The following CNTNAP3 variants were observed in gnomAD, a reference collection of about 807,000 sequenced individuals.
CNTNAP3 encodes the protein contactin associated protein family member 3, also known as contactin-associated protein-like 3.
In CNTNAP3, 36 loss-of-function variants were observed where a neutral mutation model predicts 92.1. The observed-to-expected ratio is 0.39, with a 90% CI of 0.30 to 0.52. The LOEUF (loss-of-function observed/expected upper bound fraction) is 0.52, where lower values mean the gene tolerates loss of function less well. CNTNAP3 is among the 20% of genes least tolerant of loss of function. The pLI, the probability that CNTNAP3 is intolerant of heterozygous loss-of-function variation, is 0.76. For synonymous variants in CNTNAP3, 232 were observed against 422.3 expected, an observed-to-expected ratio of 0.55 and a Z score of 5.53; for missense variants, 534 against 1,069.6, an observed-to-expected ratio of 0.50 and a Z score of 6.98.
rs1237874054 is a variant in CNTNAP3, at chr9:39,068,081, A to T, written c.*5809T>A. Among the ~76,000 whole-genome samples, 1 of 152,310 alleles carries T rather than the reference A, an allele frequency of 6.6e-6. No individual in the cohort carries two copies. The highest frequency in any genetic ancestry group is 2.4e-5 in the African/African-American group (1 of 41,488). On this transcript the variant is annotated 3_prime_UTR_variant, in exon 24 of 24. Transcript: ENST00000297668. ...AAGCCCAGATATACGTATAGTACTA[A>T]AGAGATATGCAGTGCATGTGCGATA...
intron 21 of CNTNAP3, among the ~76,000 whole-genome samples, chr9:39,081,569 T>A (rs1276110281): frequency 6.6e-6 from 1 of 150,892 alleles, no homozygotes; most frequent in South Asian, 2.1e-4. Context: ...AATGGATCTC[T>A]AATACAGAAT....
intron 13 of CNTNAP3, among the ~76,000 whole-genome samples, chr9:39,123,960 T>C (rs200936782): frequency 0.018 from 2,739 of 151,876 alleles, 54 homozygotes; most frequent in East Asian, 0.11. Flanking sequence ...AAAAACAATA[T>C]AGGTCAAAAA....
chr9:39,112,265 C>A (rs1826765595), intron 14 of CNTNAP3, among the ~76,000 whole-genome samples: 1 of 151,906 alleles, frequency 6.6e-6, no homozygotes, highest in African/African-American at 2.4e-5. Context: ...AAAGCTACTA[C>A]TTATTATTTG....
intron 12 of CNTNAP3, among the ~76,000 whole-genome samples, chr9:39,137,426 C>T (rs1249418904): frequency 1.3e-5 from 2 of 152,078 alleles, no homozygotes; most frequent in Admixed American, 1.3e-4. Flanking sequence ...TCCATTACAG[C>T]TTTTTCCATA....
chr9:39,099,638 A>G (rs1443815851), intron 18 of CNTNAP3, among the ~76,000 whole-genome samples: 1 of 152,180 alleles, frequency 6.6e-6, no homozygotes, highest in East Asian at 1.9e-4. Context: ...GAGTTTTGAA[A>G]ACCAAATTAT....
intron 4 of CNTNAP3, among the ~76,000 whole-genome samples, chr9:39,178,938 G>A (rs2778223): frequency 9.3e-5 from 14 of 150,274 alleles, no homozygotes; most frequent in South Asian, 2.1e-4. Context: ...CTCAACCCTC[G>A]GCTAATGGTA....
rs552049050 is a variant in CNTNAP3, at chr9:39,112,407, C to G, written c.2238-3120G>C. Among the ~76,000 whole-genome samples, 458 of 152,140 alleles carry G rather than the reference C, an allele frequency of 3.0e-3. 3 individuals are homozygous for G. The highest frequency in any genetic ancestry group is 0.01 in the African/African-American group (432 of 41,498). ...TGAGACAGAGTCTCACTCTTGTCGC[C>G]CAGGTTGGAGTGCAATGGTGTGATC... On this transcript the variant is annotated intron_variant, in intron 14 of 23. Coordinates refer to ENST00000297668, the MANE Select transcript of CNTNAP3 (RefSeq NM_033655.5).
intron 21 of CNTNAP3, among the ~76,000 whole-genome samples, chr9:39,083,280 AT>A (rs994866485): frequency 8.6e-5 from 13 of 150,548 alleles, no homozygotes; most frequent in African/African-American, 3.2e-4. Context: ...TTACAGGCTA[AT>A]TTTTTTTTAC....
intron 13 of CNTNAP3, among the ~76,000 whole-genome samples, chr9:39,124,862 G>C (rs1821119492): frequency 6.6e-6 from 1 of 152,032 alleles, no homozygotes. Flanking sequence ...GAAACAACAG[G>C]TGCAGGAGAG....
Position 39,109,390 on chromosome 9 carries a change from A to C in CNTNAP3, c.2238-103T>G, listed in dbSNP as rs531332108. ...ATTTGAAACCAACATCATAGAGCTT[A>C]ACAGAATACTTAACATTTTCAATAT... On this transcript the variant is annotated intron_variant, in intron 14 of 23. Transcript: ENST00000297668. The C allele has an allele frequency of 1.3e-4, 199 of 1,512,754 alleles. No individual in the cohort carries two copies. The African/African-American group carries it at 2.5e-3, about 19-fold the overall frequency. The allele number at this position is 1,512,754 out of a possible 1,614,324, so 93.7% of individuals were successfully genotyped here.
chr9:39,080,855 C>T lies in CNTNAP3; in HGVS notation c.3443-1935G>A, dbSNP rs1410470930. 8.0e-5 allele frequency among the ~76,000 whole-genome samples: 11 copies of T among 137,560 alleles called. 1 individual carries two copies. Among genetic ancestry groups the T allele is most frequent in the Non-Finnish European group, 1.3e-4 (8 of 63,318 alleles). The allele number at this position is 137,560 out of a possible 152,430, so 90.2% of individuals were successfully genotyped here. On this transcript the variant is annotated intron_variant, in intron 21 of 23. Coordinates refer to ENST00000297668, the MANE Select transcript of CNTNAP3 (RefSeq NM_033655.5). ...TTTTTTTGTGTATTTTTAGTAGAGA[C>T]GGGATTTCACCATTTTGGCCAGGAC...
chr9:39,087,220 CA>C (rs1488425015), intron 19 of CNTNAP3, among the ~76,000 whole-genome samples: 1 of 152,174 alleles, frequency 6.6e-6, no homozygotes, highest in East Asian at 1.9e-4. Context: ...AATATTGTAT[CA>C]ACATTCAGTT....
intron 18 of CNTNAP3, among the ~76,000 whole-genome samples, chr9:39,093,869 A>C (rs1826269666): frequency 6.6e-6 from 1 of 151,276 alleles, no homozygotes; most frequent in East Asian, 1.9e-4. Flanking sequence ...TGTTTTGGTT[A>C]TATATGTAGA....
intron 21 of CNTNAP3, among the ~76,000 whole-genome samples, chr9:39,082,680 A>T (rs1447285777): frequency 6.6e-6 from 1 of 152,240 alleles, no homozygotes; most frequent in Non-Finnish European, 1.5e-5. Flanking sequence ...TAAGGTCATG[A>T]CCCCCTCCAG....
chr9:39,162,915 A>G (rs1822104295), intron 9 of CNTNAP3, among the ~76,000 whole-genome samples: 1 of 130,324 alleles, frequency 7.7e-6, no homozygotes, highest in African/African-American at 3.1e-5. Context: ...AGCCCCCATT[A>G]CATGCAATTT....
In CNTNAP3 at chr9:39,069,208, T is replaced by G. The variant is rs1457167056; in HGVS notation, c.*4682A>C. ...ACTAGACATCTCAGGACCTGCATTC[T>G]AACCCATTTTTGTCAGTAATTATCT... On this transcript the variant is annotated 3_prime_UTR_variant, in exon 24 of 24. Coordinates refer to ENST00000297668, the MANE Select transcript of CNTNAP3 (RefSeq NM_033655.5). 6.6e-6 allele frequency among the ~76,000 whole-genome samples: 1 copy of G among 152,236 alleles called. No homozygotes were observed. The highest frequency in any genetic ancestry group is 2.1e-4 in the South Asian group (1 of 4,828).
At chr9:39,100,280 C>T (rs1013818696) in intron 17 of CNTNAP3, 130 bp from the exon 18 acceptor site, 30 of 1,565,508 alleles carry the variant, frequency 1.9e-5, no homozygotes, top group Admixed American at 7.5e-5. Context: ...TGTGAACATA[C>T]ACAATTTTGA....
Position 39,118,084 on chromosome 9 carries a change from G to A in CNTNAP3, c.2237+19C>T, listed in dbSNP as rs755193939. On this transcript the variant is annotated intron_variant, in intron 14 of 23. Coordinates refer to ENST00000297668, the MANE Select transcript of CNTNAP3 (RefSeq NM_033655.5). ...AATAAAAACCACATTTTTGTGCAGGGAAATCATGTGGAAATCACCATTCAT... is the reference window on the plus strand; with the variant it reads ...AATAAAAACCACATTTTTGTGCAGGAAAATCATGTGGAAATCACCATTCAT... 1.2e-5 allele frequency: 19 copies of A among 1,593,744 alleles called. No individual in the cohort carries two copies. The highest frequency in any genetic ancestry group is 1.1e-4 in the Admixed American group (6 of 56,542).
intron 13 of CNTNAP3, 116 bp from the exon 14 acceptor site, chr9:39,118,375 A>G (rs1820912870): frequency 1.4e-6 from 2 of 1,408,540 alleles, no homozygotes; most frequent in Non-Finnish European, 1.9e-6. Flanking sequence ...GAGAGAGAGA[A>G]AATGAAACTA....
Sources: allele counts gnomAD v4.1 joint callset (sites outside exome capture counted in the v4.1 genomes callset), GRCh38; gene constraint gnomAD v4.1.1; transcripts MANE v1.5; gene names NCBI Gene and HGNC (gene_info 2026-07-23, HGNC 2026-07-21).